Variants in BOLL observed in about 807,000 individuals in gnomAD.
The protein encoded by BOLL is boule RNA binding protein.
Under a neutral mutation model 44.4 loss-of-function variants are expected in BOLL, and 23 were observed. That is an observed-to-expected ratio of 0.52 (90% CI 0.37 to 0.73). The LOEUF is 0.73. Among genes scored for constraint, BOLL ranks in the 30% least tolerant of loss-of-function variants. The pLI is 0.00. For missense variants in BOLL, 287 were observed against 338.3 expected (o/e 0.85, Z 1.19); for synonymous variants, 97 against 110.8 (o/e 0.88, Z 0.78).
chr2:197,766,928 A>G (rs2106367959), intron 6 of BOLL, among the ~76,000 whole-genome samples: 1 of 152,140 alleles, frequency 6.6e-6, no homozygotes, highest in Admixed American at 6.6e-5. Context: ...AGCAAGACTT[A>G]GGGTGACGCT....
At chr2:197,777,889 A>T (rs1689590939) in intron 3 of BOLL, among the ~76,000 whole-genome samples, 1 of 151,986 alleles carries the variant, frequency 6.6e-6, no homozygotes, top group South Asian at 2.1e-4. Context: ...ACTGGATCAT[A>T]TACAAAGTTT....
chr2:197,742,982 C>A, intron 10 of BOLL, 79 bp downstream of exon 10: 1 of 1,105,350 alleles, frequency 9.0e-7, no homozygotes. Context: ...CAAAATTGTT[C>A]CTTTCTAGAA....
In BOLL at chr2:197,728,502, A is replaced by G. The variant is rs940055488; in HGVS notation, c.*53T>C. On this transcript the variant is annotated 3_prime_UTR_variant, in exon 11 of 11. Coordinates refer to ENST00000392296, the MANE Select transcript of BOLL (RefSeq NM_033030.6). ...CGTTGAAGCTGGATCTCGGCCACGCAAGGATCATTGGACAAGAAATCAGTT... is the reference window on the plus strand; with the variant it reads ...CGTTGAAGCTGGATCTCGGCCACGCGAGGATCATTGGACAAGAAATCAGTT... 1 of 1,614,130 alleles carries G rather than the reference A, an allele frequency of 6.2e-7. No homozygotes were observed. Among genetic ancestry groups the G allele is most frequent in the Non-Finnish European group, 8.5e-7 (1 of 1,179,944 alleles).
intron 9 of BOLL, among the ~76,000 whole-genome samples, chr2:197,746,898 C>CG (rs1304136893): frequency 3.8e-4 from 27 of 70,894 alleles, no homozygotes; most frequent in East Asian, 6.3e-4. Context: ...GACTCTGTCT[C>CG]GAAAAAAAAA....
chr2:197,764,927 C>T (rs1225460555), intron 7 of BOLL, among the ~76,000 whole-genome samples: 1 of 151,754 alleles, frequency 6.6e-6, no homozygotes, highest in Non-Finnish European at 1.5e-5. Context: ...AGATGTTTTC[C>T]ACTGAGCATC....
chr2:197,776,594 A>C lies in BOLL; in HGVS notation c.276+465T>G, dbSNP rs1017391320. ...TGACTGTATTTGATTTTAATAACATACAATTCAAATTCTACTTTTTTTCTA... is the reference window on the plus strand; with the variant it reads ...TGACTGTATTTGATTTTAATAACATCCAATTCAAATTCTACTTTTTTTCTA... On this transcript the variant is annotated intron_variant, in intron 4 of 10. Transcript: ENST00000392296. 1.7e-4 allele frequency among the ~76,000 whole-genome samples: 26 copies of C among 152,092 alleles called. 2 individuals are homozygous for C. The highest frequency in any genetic ancestry group is 1.4e-3 in the Admixed American group (21 of 15,238).
At chr2:197,779,303 T>A (rs1689661455) in intron 2 of BOLL, among the ~76,000 whole-genome samples, 1 of 152,170 alleles carries the variant, frequency 6.6e-6, no homozygotes, top group East Asian at 1.9e-4. Flanking sequence ...TGAATTATTT[T>A]AAAACTACAA....
chr2:197,748,466 C>G (rs113600561), intron 9 of BOLL, among the ~76,000 whole-genome samples: 6 of 152,204 alleles, frequency 3.9e-5, no homozygotes, highest in African/African-American at 1.4e-4. Context: ...TGGAGCCCAG[C>G]AAGCTAAGAC....
chr2:197,775,705 G>T lies in BOLL; in HGVS notation c.312C>A (p.Asn104Lys). The T allele has an allele frequency of 6.4e-7, 1 of 1,566,186 alleles. No homozygotes were observed. Among genetic ancestry groups the T allele is most frequent in the African/African-American group, 1.4e-5 (1 of 72,940 alleles). The change falls in exon 5 of 11, where the codon AAC (asparagine) becomes AAA (lysine). Residue 104 changes from asparagine (N) to lysine (K), a missense_variant. Asn to Lys is a moderately conservative substitution (Grantham distance 94). Transcript: ENST00000392296. ...EKLNYKDKKL[N>K]IGPAIRKQQV... ...GTTGTTTTCTTATTGCTGGACCAATGTTCAGCTTCTTATCCTTATAATTAA... is the reference window on the plus strand; with the variant it reads ...GTTGTTTTCTTATTGCTGGACCAATTTTCAGCTTCTTATCCTTATAATTAA...
intron 9 of BOLL, among the ~76,000 whole-genome samples, chr2:197,748,393 C>G (rs1688083334): frequency 1.3e-5 from 2 of 152,204 alleles, no homozygotes; most frequent in Admixed American, 6.5e-5. Context: ...GAACCATTCA[C>G]TCTCCTGGAA....
intron 9 of BOLL, among the ~76,000 whole-genome samples, chr2:197,753,084 G>A (rs546986655): frequency 2.0e-5 from 3 of 152,180 alleles, no homozygotes; most frequent in Non-Finnish European, 4.4e-5. Flanking sequence ...ATGGTGTCGA[G>A]AAAACTGGCT....
At chr2:197,776,442 G>A (rs1689516989) in intron 4 of BOLL, among the ~76,000 whole-genome samples, 1 of 151,834 alleles carries the variant, frequency 6.6e-6, no homozygotes, top group Admixed American at 6.6e-5. Flanking sequence ...TAGGTTGATG[G>A]CAATATTGTG....
chr2:197,745,315 C>T (rs1282119862), intron 9 of BOLL, among the ~76,000 whole-genome samples: 1 of 151,956 alleles, frequency 6.6e-6, no homozygotes, highest in East Asian at 1.9e-4. Flanking sequence ...GAAAAAAACA[C>T]TTCAACTGTA....
intron 9 of BOLL, among the ~76,000 whole-genome samples, chr2:197,747,847 T>A (rs1220796507): frequency 1.3e-5 from 2 of 152,076 alleles, no homozygotes; most frequent in East Asian, 3.9e-4. Flanking sequence ...GATAGAGAAC[T>A]CAAATAAGAC....
rs1471470082 is a variant in BOLL at position 197,767,675 on chromosome 2, T to G, written c.481-1072A>C. 2.0e-5 allele frequency among the ~76,000 whole-genome samples: 3 copies of G among 152,048 alleles called. No individual in the cohort carries two copies. In the East Asian group the frequency reaches 5.8e-4, roughly 29 times the overall value. On this transcript the variant is annotated intron_variant, in intron 6 of 10. Transcript: ENST00000392296. ...GGGAGACATTTTTGATTATCATAAC[T>G]ATGGGGAGCCTAGGGATACTTCTAA...
rs766002606 is a variant in BOLL, at chr2:197,766,594, C to T, written c.490G>A (p.Val164Ile). The change falls in exon 7 of 11, where the codon GTA becomes ATA. Residue 164 changes from valine to isoleucine, a missense_variant. Transcript: ENST00000392296. ...GCTACCATCACAGGGGAGCTACATA[C>T]AGAACGTGACTATAAAAGGATGGAA... ...SVPPPWPSRS[V>I]CSSPVMVAQP... 1.9e-6 allele frequency: 3 copies of T among 1,611,702 alleles called. No homozygotes were observed. The highest frequency in any genetic ancestry group is 8.5e-7 in the Non-Finnish European group (1 of 1,178,482).
intron 9 of BOLL, among the ~76,000 whole-genome samples, chr2:197,750,544 C>A (rs1323545556): frequency 6.6e-6 from 1 of 152,098 alleles, no homozygotes; most frequent in Non-Finnish European, 1.5e-5. Flanking sequence ...TCAAAAAAGA[C>A]AAAGAAGGGC....
rs910628357 is a variant in BOLL at position 197,784,667 on chromosome 2, A to T, written c.-16+389T>A. ...ATGGTCTCGATCTCCTGACCTCGTG[A>T]TCCGCCCACCTTGGCCTCCCAAAGT... On this transcript the variant is annotated intron_variant, in intron 1 of 10. Transcript: ENST00000392296. The T allele has an allele frequency of 6.4e-6, 6 of 934,638 alleles. No individual in the cohort carries two copies. In the African/African-American group the frequency reaches 9.0e-5, roughly 14 times the overall value. The allele number at this position is 934,638 out of a possible 1,614,324, so 57.9% of individuals were successfully genotyped here. A position where few individuals can be genotyped will look rare whatever the true frequency, so the allele number is the denominator to read the frequency against.
At chr2:197,735,574 ACT>A (rs2106316621) in intron 10 of BOLL, among the ~76,000 whole-genome samples, 1 of 152,288 alleles carries the variant, frequency 6.6e-6, no homozygotes, top group East Asian at 1.9e-4. Context: ...AGACGACTGT[ACT>A]GATGTTCATT....
Sources: gnomAD v4.1 joint callset for allele counts (sites outside exome capture counted in the v4.1 genomes callset) on GRCh38, gnomAD v4.1.1 for gene constraint, MANE v1.5 for transcripts, NCBI Gene and HGNC (gene_info 2026-07-23, HGNC 2026-07-21) for gene names.